Variants in KCNH8 observed in about 807,000 individuals in gnomAD.
KCNH8 encodes the protein voltage-gated delayed rectifier potassium channel KCNH8.
Under a neutral mutation model 103.6 loss-of-function variants are expected in KCNH8, and 70 were observed. That is an observed-to-expected ratio of 0.68 (90% CI 0.56 to 0.82). The LOEUF is 0.82. KCNH8 is among the 40% of genes least tolerant of loss of function. The probability of loss-of-function intolerance (pLI) is 0.00; values close to 1 mark genes in which losing one functional copy is unlikely to be tolerated. For missense variants in KCNH8, 1,217 were observed against 1,329.9 expected, an observed-to-expected ratio of 0.92 and a Z score of 1.32; for synonymous variants, 498 against 489.4, an observed-to-expected ratio of 1.02 and a Z score of -0.23.
At chr3:19,466,180 C>T (rs1286676010) in intron 11 of KCNH8, among the ~76,000 whole-genome samples, 2 of 152,124 alleles carry the variant, frequency 1.3e-5, no homozygotes, top group Non-Finnish European at 2.9e-5. Flanking sequence ...CCTGCCTCAG[C>T]CTCCCAAAGT....
chr3:19,286,936 T>C (rs1189979307), intron 3 of KCNH8, among the ~76,000 whole-genome samples: 2 of 152,136 alleles, frequency 1.3e-5, no homozygotes, highest in African/African-American at 4.8e-5. Flanking sequence ...AGATGGTAAA[T>C]GCAGAAGAGA....
At chr3:19,258,947 C>CTCTCTATATATATATATA (rs1321918245) in intron 2 of KCNH8, among the ~76,000 whole-genome samples, 8 of 24,792 alleles carry the variant, frequency 3.2e-4, no homozygotes, top group Non-Finnish European at 5.6e-4. Flanking sequence ...CTCTCTCTCT[C>CTCTCTATATATATATATA]TATATATATA....
chr3:19,424,866 T>C (rs1000466240), intron 7 of KCNH8, among the ~76,000 whole-genome samples: 3 of 152,128 alleles, frequency 2.0e-5, no homozygotes, highest in Non-Finnish European at 2.9e-5. Flanking sequence ...ATTTCTAAAA[T>C]TTTAAATGTG....
intron 7 of KCNH8, among the ~76,000 whole-genome samples, chr3:19,397,933 T>G (rs2066548173): frequency 6.6e-6 from 1 of 151,962 alleles, no homozygotes; most frequent in Admixed American, 6.6e-5. Flanking sequence ...TGAAGTAGCT[T>G]AGAGTCTACG....
At chr3:19,345,346 C>G (rs1324427703) in intron 4 of KCNH8, among the ~76,000 whole-genome samples, 1 of 152,036 alleles carries the variant, frequency 6.6e-6, no homozygotes, top group Non-Finnish European at 1.5e-5. Context: ...AACATTTTCA[C>G]ATTCTCTTGC....
chr3:19,471,117 G>A (rs1053040229), intron 11 of KCNH8, among the ~76,000 whole-genome samples: 2 of 152,112 alleles, frequency 1.3e-5, no homozygotes, highest in African/African-American at 4.8e-5. Context: ...GAAAGGGAGA[G>A]AAAGAAAAGG....
At chr3:19,417,374 T>C (rs1440864144) in intron 7 of KCNH8, among the ~76,000 whole-genome samples, 1 of 151,580 alleles carries the variant, frequency 6.6e-6, no homozygotes, top group African/African-American at 2.4e-5. Flanking sequence ...TGTTATATAT[T>C]TTGTTTGAAA....
chr3:19,296,270 A>G (rs978395501), intron 3 of KCNH8, among the ~76,000 whole-genome samples: 3 of 152,322 alleles, frequency 2.0e-5, no homozygotes, highest in African/African-American at 7.2e-5. Context: ...AATACCTACA[A>G]ACATAATTAG....
At chr3:19,232,322 G>T (rs967221187) in intron 1 of KCNH8, among the ~76,000 whole-genome samples, 1 of 152,134 alleles carries the variant, frequency 6.6e-6, no homozygotes, top group African/African-American at 2.4e-5. Flanking sequence ...CCTTCACTGA[G>T]AATCTGGAGA....
At chr3:19,480,608 A>G (rs1401312882) in intron 11 of KCNH8, among the ~76,000 whole-genome samples, 1 of 152,228 alleles carries the variant, frequency 6.6e-6, no homozygotes, top group Non-Finnish European at 1.5e-5. Flanking sequence ...CAGTAGAATA[A>G]AGACAACATT....
At chr3:19,282,297 G>A (rs1273205513) in intron 3 of KCNH8, among the ~76,000 whole-genome samples, 1 of 152,078 alleles carries the variant, frequency 6.6e-6, no homozygotes, top group African/African-American at 2.4e-5. Flanking sequence ...ACTAAATTAT[G>A]TAGTGTATTT....
chr3:19,404,850 T>G (rs1274118756), intron 7 of KCNH8, among the ~76,000 whole-genome samples: 1 of 151,958 alleles, frequency 6.6e-6, no homozygotes, highest in Non-Finnish European at 1.5e-5. Context: ...AAATATAGCA[T>G]TTTAATCATG....
At chr3:19,450,450 C>T in intron 9 of KCNH8, 145 bp downstream of exon 9, 1 of 682,986 alleles carries the variant, frequency 1.5e-6, no homozygotes, top group Non-Finnish European at 2.5e-6. Context: ...AATCCCAATC[C>T]ATCTTCTTTC....
At chr3:19,364,137 A>G (rs903065199) in intron 5 of KCNH8, among the ~76,000 whole-genome samples, 2 of 151,920 alleles carry the variant, frequency 1.3e-5, no homozygotes, top group African/African-American at 2.4e-5. Flanking sequence ...TACTACTAAC[A>G]TAGTCAGATT....
At chr3:19,429,602 G>T (rs2125164692) in intron 7 of KCNH8, among the ~76,000 whole-genome samples, 1 of 152,202 alleles carries the variant, frequency 6.6e-6, no homozygotes, top group South Asian at 2.1e-4. Context: ...TAAGTTTGGA[G>T]GTACAAACCC....
chr3:19,511,925 A>T (rs2068790039), intron 12 of KCNH8, among the ~76,000 whole-genome samples: 1 of 152,170 alleles, frequency 6.6e-6, no homozygotes, highest in Non-Finnish European at 1.5e-5. Flanking sequence ...ACACCAAAAA[A>T]TCCGTATACA....
chr3:19,205,091 A>C (rs2063701071), intron 1 of KCNH8, among the ~76,000 whole-genome samples: 2 of 151,966 alleles, frequency 1.3e-5, no homozygotes, highest in Admixed American at 1.3e-4. Flanking sequence ...CCACCAAACC[A>C]GTCATCTACT....
chr3:19,195,655 T>C (rs2063593696), intron 1 of KCNH8, among the ~76,000 whole-genome samples: 1 of 151,972 alleles, frequency 6.6e-6, no homozygotes, highest in Non-Finnish European at 1.5e-5. Flanking sequence ...GAGGAGAAGA[T>C]ACTCCATCTA....
intron 15 of KCNH8, among the ~76,000 whole-genome samples, chr3:19,520,746 C>T (rs376560012): frequency 1.3e-5 from 2 of 151,758 alleles, no homozygotes; most frequent in African/African-American, 2.4e-5. Context: ...AAAGGACAAC[C>T]GAAAATATGT....
Sources: allele counts gnomAD v4.1 joint callset (sites outside exome capture counted in the v4.1 genomes callset), GRCh38; gene constraint gnomAD v4.1.1; transcripts MANE v1.5; gene names NCBI Gene and HGNC (gene_info 2026-07-23, HGNC 2026-07-21).